OR9Q1: variants seen among roughly 807,000 people sequenced by gnomAD.
OR9Q1 encodes the protein olfactory receptor family 9 subfamily Q member 1.
For missense variants in OR9Q1, 374 were observed against 378.8 expected, an observed-to-expected ratio of 0.99 and a Z score of 0.11; for synonymous variants, 153 against 148.6, an observed-to-expected ratio of 1.03 and a Z score of -0.22.
chr11:58,151,520 T>G (rs1208902254), intron 2 of OR9Q1, among the ~76,000 whole-genome samples: 3 of 152,218 alleles, frequency 2.0e-5, no homozygotes, highest in Non-Finnish European at 2.9e-5. Flanking sequence ...AAAAACTGTC[T>G]TCAGTATGAC....
At chr11:58,104,520 A>C (rs1327018648) in intron 2 of OR9Q1, among the ~76,000 whole-genome samples, 2 of 152,208 alleles carry the variant, frequency 1.3e-5, no homozygotes, top group Admixed American at 1.3e-4. Flanking sequence ...AATTTCCCCG[A>C]ATATGGGAGG....
intron 2 of OR9Q1, among the ~76,000 whole-genome samples, chr11:58,138,562 G>A (rs990710558): frequency 6.6e-6 from 1 of 152,194 alleles, no homozygotes; most frequent in Admixed American, 6.5e-5. Context: ...ACAGCATGCT[G>A]TTTCCATTAA....
intron 1 of OR9Q1, among the ~76,000 whole-genome samples, chr11:58,040,063 G>A (rs1456391245): frequency 6.6e-6 from 1 of 152,180 alleles, no homozygotes; most frequent in Non-Finnish European, 1.5e-5. Flanking sequence ...GAGGGACAGA[G>A]AAGCTAAGTA....
At chr11:58,088,430 TC>T (rs1303239266) in intron 2 of OR9Q1, among the ~76,000 whole-genome samples, 3 of 151,888 alleles carry the variant, frequency 2.0e-5, no homozygotes, top group Non-Finnish European at 4.4e-5. Context: ...TAATTTACAG[TC>T]CCATCAATAG....
chr11:58,152,962 T>G (rs746470138), intron 2 of OR9Q1, among the ~76,000 whole-genome samples: 1 of 152,216 alleles, frequency 6.6e-6, no homozygotes, highest in Non-Finnish European at 1.5e-5. Flanking sequence ...GGGCGGGCAC[T>G]TAGCTTGTGC....
At chr11:58,033,217 A>C (rs1290471383) in intron 1 of OR9Q1, among the ~76,000 whole-genome samples, 2 of 152,240 alleles carry the variant, frequency 1.3e-5, no homozygotes, top group Non-Finnish European at 2.9e-5. Context: ...AGAATGAAAA[A>C]TAGAACTGCT....
At position 58,180,330 on chromosome 11, in the gene OR9Q1, G is replaced by A. The variant is rs868091209; in HGVS notation, c.886G>A (p.Val296Met). ...PLIYSLRNKE[V>M]KEALRKILNR... is the part of the protein sequence containing the mutation. ...CATCTACAGCCTGAGGAACAAGGAA[G>A]TGAAGGAGGCCCTGAGAAAAATTCT... The change falls in exon 3 of 3, where the codon GTG becomes ATG. Residue 296 changes from valine to methionine, a missense_variant. Transcript: ENST00000335397. 2 of 1,605,164 alleles carry A rather than the reference G, an allele frequency of 1.2e-6. No homozygotes were observed. Among genetic ancestry groups the A allele is most frequent in the Admixed American group, 1.7e-5 (1 of 59,148 alleles).
chr11:58,070,705 G>T (rs1222206685), intron 2 of OR9Q1, among the ~76,000 whole-genome samples: 1 of 152,174 alleles, frequency 6.6e-6, no homozygotes, highest in Non-Finnish European at 1.5e-5. Flanking sequence ...CCCTGTACAG[G>T]CACTGAGCCA....
chr11:58,098,190 C>T (rs1039846733), intron 2 of OR9Q1, among the ~76,000 whole-genome samples: 5 of 152,120 alleles, frequency 3.3e-5, no homozygotes, highest in African/African-American at 1.2e-4. Flanking sequence ...CATCTGCACC[C>T]GGGGTTTTTT....
chr11:58,144,111 T>C (rs1235999189), intron 2 of OR9Q1, among the ~76,000 whole-genome samples: 2 of 151,832 alleles, frequency 1.3e-5, no homozygotes, highest in Non-Finnish European at 2.9e-5. Flanking sequence ...ATGTGCCATG[T>C]TGGTGTGCTG....
At chr11:58,048,458 G>T (rs991472343) in intron 1 of OR9Q1, among the ~76,000 whole-genome samples, 8 of 148,568 alleles carry the variant, frequency 5.4e-5, no homozygotes, top group African/African-American at 2.0e-4. Context: ...TGAGACCAGC[G>T]TGGCCAACAT....
At chr11:58,035,104 C>T (rs908482582) in intron 1 of OR9Q1, among the ~76,000 whole-genome samples, 2 of 152,064 alleles carry the variant, frequency 1.3e-5, no homozygotes, top group Admixed American at 6.6e-5. Context: ...ATTGGGACTA[C>T]AGGAATGAAT....
chr11:58,031,311 C>G, intron 1 of OR9Q1: 1 of 1,614,124 alleles, frequency 6.2e-7, no homozygotes, highest in East Asian at 2.2e-5. Context: ...TTCCTACTGG[C>G]TGCCATGGCC....
intron 2 of OR9Q1, among the ~76,000 whole-genome samples, chr11:58,139,439 C>T (rs2514195): frequency 0.13 from 19,285 of 151,922 alleles, 1,935 homozygotes; most frequent in African/African-American, 0.24. Flanking sequence ...CCCGCTCCCC[C>T]CACCCCACAA....
At chr11:58,080,333 T>C (rs1853576291) in intron 2 of OR9Q1, among the ~76,000 whole-genome samples, 1 of 152,136 alleles carries the variant, frequency 6.6e-6, no homozygotes, top group Non-Finnish European at 1.5e-5. Context: ...TATTCTTTCT[T>C]AGGGCTGCAT....
intron 2 of OR9Q1, among the ~76,000 whole-genome samples, chr11:58,102,181 AGCTTACTATTG>A (rs888060483): frequency 1.3e-5 from 2 of 152,172 alleles, no homozygotes; most frequent in African/African-American, 4.8e-5. Flanking sequence ...TTTACATTCA[AGCTTACTATTG>A]GTAAGTGAGG....
intron 2 of OR9Q1, among the ~76,000 whole-genome samples, chr11:58,144,092 T>C (rs1442562982): frequency 6.6e-6 from 1 of 151,982 alleles, no homozygotes; most frequent in Non-Finnish European, 1.5e-5. Flanking sequence ...GTTTGTTACA[T>C]ATGTATACAT....
At chr11:58,066,116 T>TTCTCTCCC (rs1227234642) in intron 2 of OR9Q1, among the ~76,000 whole-genome samples, 9 of 136,942 alleles carry the variant, frequency 6.6e-5, no homozygotes, top group African/African-American at 2.4e-4. Flanking sequence ...CCCTCCCTCC[T>TTCTCTCCC]TCTCTCCCTC....
At chr11:58,149,847 T>C (rs1854332474) in intron 2 of OR9Q1, among the ~76,000 whole-genome samples, 2 of 152,202 alleles carry the variant, frequency 1.3e-5, no homozygotes, top group Admixed American at 6.5e-5. Context: ...CCATATTTTG[T>C]TTATCTGTTA....
Sources: gnomAD v4.1 joint callset for allele counts (sites outside exome capture counted in the v4.1 genomes callset) on GRCh38, gnomAD v4.1.1 for gene constraint, MANE v1.5 for transcripts, NCBI Gene and HGNC (gene_info 2026-07-23, HGNC 2026-07-21) for gene names.